Variants in CMC1 observed in about 807,000 individuals in gnomAD.
The protein encoded by CMC1 is COX assembly mitochondrial protein homolog.
Under a neutral mutation model 14.1 loss-of-function variants are expected in CMC1, and 14 were observed. That is an observed-to-expected ratio of 0.99 (90% CI 0.66 to 1.55). The LOEUF is 1.55. CMC1 is among the 40% of genes most tolerant of loss of function. The pLI is 0.00. For missense variants in CMC1, 127 were observed against 123.8 expected, an observed-to-expected ratio of 1.03 and a Z score of -0.12; for synonymous variants, 50 against 38.4, an observed-to-expected ratio of 1.30 and a Z score of -1.12.
intron 2 of CMC1, among the ~76,000 whole-genome samples, chr3:28,285,212 A>T (rs1359208570): frequency 6.6e-6 from 1 of 152,156 alleles, no homozygotes; most frequent in Non-Finnish European, 1.5e-5. Flanking sequence ...TACCAAGATG[A>T]TGGTTCTGTT....
At chr3:28,283,479 AT>A (rs1701001200) in intron 2 of CMC1, among the ~76,000 whole-genome samples, 1 of 150,932 alleles carries the variant, frequency 6.6e-6, no homozygotes, top group African/African-American at 2.4e-5. Flanking sequence ...AGATTGCACC[AT>A]TGCATTCCAG....
At chr3:28,253,728 C>T (rs1023447668) in intron 1 of CMC1, 2 of 1,282,162 alleles carry the variant, frequency 1.6e-6, no homozygotes, top group African/African-American at 1.5e-5. Context: ...GTTTTTCCTA[C>T]AGAGTAAACA....
intron 1 of CMC1, among the ~76,000 whole-genome samples, chr3:28,248,968 T>G (rs1334923571): frequency 2.0e-5 from 3 of 152,122 alleles, no homozygotes; most frequent in Non-Finnish European, 4.4e-5. Context: ...TTTTTTGTAT[T>G]TTTAGTAGAG....
chr3:28,303,261 A>G (rs576501762), intron 2 of CMC1, among the ~76,000 whole-genome samples: 1 of 152,304 alleles, frequency 6.6e-6, no homozygotes, highest in South Asian at 2.1e-4. Context: ...ATGATTAGGA[A>G]GTTGTCATGG....
chr3:28,263,385 C>T lies in CMC1; in HGVS notation c.109+5C>T. The T allele has an allele frequency of 1.9e-6, 3 of 1,541,264 alleles. No individual in the cohort carries two copies. The highest frequency in any genetic ancestry group is 2.7e-6 in the Non-Finnish European group (3 of 1,127,534). ...GGTGTTCTGAACAAGTTCAAGGTAA[C>T]ATTCAAATATTCATGTAAAGATCAA... On this transcript the variant is annotated splice_donor_5th_base_variant and intron_variant, in intron 2 of 3. Coordinates refer to ENST00000466830, the MANE Select transcript of CMC1 (RefSeq NM_182523.2).
chr3:28,314,624 C>A (rs1037567482), intron 2 of CMC1, among the ~76,000 whole-genome samples: 2 of 152,182 alleles, frequency 1.3e-5, no homozygotes, highest in Non-Finnish European at 2.9e-5. Context: ...TGATCACACA[C>A]ATTAAATTAT....
chr3:28,252,803 C>T (rs1018714975), intron 1 of CMC1, among the ~76,000 whole-genome samples: 2 of 152,152 alleles, frequency 1.3e-5, no homozygotes, highest in African/African-American at 4.8e-5. Context: ...GTCATTTCAC[C>T]TCTGTGAGCC....
intron 2 of CMC1, among the ~76,000 whole-genome samples, chr3:28,302,056 T>C (rs1379262573): frequency 6.6e-6 from 1 of 152,186 alleles, no homozygotes; most frequent in Non-Finnish European, 1.5e-5. Flanking sequence ...CTCTAACCTT[T>C]TTGATTCCAG....
chr3:28,300,783 TAG>T (rs1355896634), intron 2 of CMC1, among the ~76,000 whole-genome samples: 1 of 150,384 alleles, frequency 6.6e-6, no homozygotes, highest in Non-Finnish European at 1.5e-5. Context: ...CTGTAAGATG[TAG>T]AGAGTACCAA....
intron 3 of CMC1, chr3:28,318,409 C>T (rs1703040725): frequency 1.3e-5 from 2 of 151,838 alleles, no homozygotes; most frequent in Non-Finnish European, 2.9e-5. Context: ...TATTTTTTCC[C>T]ATTTTCCCAA....
intron 2 of CMC1, among the ~76,000 whole-genome samples, chr3:28,265,451 CT>C (rs1484126296): frequency 6.6e-6 from 1 of 152,050 alleles, no homozygotes; most frequent in Non-Finnish European, 1.5e-5. Flanking sequence ...AGTTTATTTA[CT>C]GTTTATAGCT....
intron 1 of CMC1, among the ~76,000 whole-genome samples, chr3:28,253,017 G>A (rs1263694554): frequency 6.6e-6 from 1 of 152,044 alleles, no homozygotes; most frequent in African/African-American, 2.4e-5. Flanking sequence ...GAAAGAAGGT[G>A]AATTTTCCTA....
chr3:28,265,172 C>T (rs1240310120), intron 2 of CMC1, among the ~76,000 whole-genome samples: 2 of 151,940 alleles, frequency 1.3e-5, no homozygotes, highest in Admixed American at 1.3e-4. Flanking sequence ...ATCTGTGACT[C>T]ATTTGGATTA....
intron 1 of CMC1, among the ~76,000 whole-genome samples, chr3:28,261,507 A>G (rs1209427229): frequency 6.6e-6 from 1 of 152,166 alleles, no homozygotes; most frequent in Non-Finnish European, 1.5e-5. Flanking sequence ...TAATTTTGGA[A>G]GTAAATCCTC....
At chr3:28,264,702 A>G (rs540394265) in intron 2 of CMC1, among the ~76,000 whole-genome samples, 2 of 152,298 alleles carry the variant, frequency 1.3e-5, no homozygotes, top group South Asian at 4.1e-4. Context: ...CTTAAAAAAT[A>G]TATATCCTGA....
At chr3:28,287,486 T>C (rs1009356193) in intron 2 of CMC1, among the ~76,000 whole-genome samples, 1 of 152,128 alleles carries the variant, frequency 6.6e-6, no homozygotes, top group Non-Finnish European at 1.5e-5. Flanking sequence ...TTCCTATTAT[T>C]GAAAATGTTA....
At chr3:28,319,056 A>G (rs976257537) in intron 3 of CMC1, 8 of 345,222 alleles carry the variant, frequency 2.3e-5, no homozygotes, top group Admixed American at 1.2e-4. Flanking sequence ...GTTTTCCTGC[A>G]TTAATTTTTC....
intron 2 of CMC1, among the ~76,000 whole-genome samples, chr3:28,301,511 G>C (rs1453669513): frequency 6.6e-6 from 1 of 152,084 alleles, no homozygotes; most frequent in Admixed American, 6.6e-5. Context: ...GTGAGCCACT[G>C]CACTCGGCTT....
rs1303377215 is a variant in CMC1 at position 28,322,921 on chromosome 3, T to TATA, written c.*3292_*3293insATA. 1 of 151,054 alleles carries TATA rather than the reference T, an allele frequency of 6.6e-6. No individual in the cohort carries two copies. Among genetic ancestry groups the TATA allele is most frequent in the African/African-American group, 2.4e-5 (1 of 41,272 alleles). The allele number at this position is 151,054 out of a possible 1,614,324, so 9.4% of individuals were successfully genotyped here. A position where few individuals can be genotyped will look rare whatever the true frequency, so the allele number is the denominator to read the frequency against. ...GAAATACTTTAATTCAGGCAAAAGG[T>TATA]GTATGAACCAAGTAAATCTCCACCC... On this transcript the variant is annotated 3_prime_UTR_variant, in exon 4 of 4. Coordinates refer to ENST00000466830, the MANE Select transcript of CMC1 (RefSeq NM_182523.2).
Sources: allele counts gnomAD v4.1 joint callset (sites outside exome capture counted in the v4.1 genomes callset), GRCh38; gene constraint gnomAD v4.1.1; transcripts MANE v1.5; gene names NCBI Gene and HGNC (gene_info 2026-07-23, HGNC 2026-07-21).